The following ELF2 variants were observed in gnomAD, a reference collection of about 807,000 sequenced individuals.
ELF2 encodes the protein ETS-related transcription factor Elf-2.
A neutral mutation model predicts 54.8 loss-of-function variants in ELF2; 11 were observed. The observed-to-expected ratio is 0.20, with a 90% CI of 0.13 to 0.33. The LOEUF (loss-of-function observed/expected upper bound fraction) is 0.33, where lower values mean the gene tolerates loss of function less well. ELF2 is among the 10% of genes least tolerant of loss of function. The pLI is 1.00. For missense variants in ELF2, 513 were observed against 703.0 expected, an observed-to-expected ratio of 0.73 and a Z score of 3.06; for synonymous variants, 203 against 245.1, an observed-to-expected ratio of 0.83 and a Z score of 1.61.
At chr4:139,115,415 T>G (rs1296405960) in intron 4 of ELF2, 2 of 993,464 alleles carry the variant, frequency 2.0e-6, no homozygotes, top group African/African-American at 3.5e-5. Flanking sequence ...GGCCCCTCCC[T>G]GCGCCACCGC....
At chr4:139,107,360 C>T (rs1734517656) in intron 4 of ELF2, among the ~76,000 whole-genome samples, 1 of 152,156 alleles carries the variant, frequency 6.6e-6, no homozygotes, top group African/African-American at 2.4e-5. Context: ...ACTACCACCT[C>T]CTTGAAACAT....
intron 7 of ELF2, among the ~76,000 whole-genome samples, chr4:139,064,168 C>G (rs1463224484): frequency 3.3e-5 from 5 of 152,146 alleles, no homozygotes; most frequent in Non-Finnish European, 7.4e-5. Flanking sequence ...ATTAGCCAGG[C>G]ATGATGGCGG....
In ELF2 at chr4:139,151,041, A is replaced by AAAAGAAAAGAAAAGAAAAGAAAAGG. The variant is rs1560871239; in HGVS notation, c.-251-11545_-251-11544insCCTTTTCTTTTCTTTTCTTTTCTTT. On this transcript the variant is annotated intron_variant, in intron 1 of 9. Coordinates refer to ENST00000686138, the MANE Select transcript of ELF2 (RefSeq NM_001331036.3). The stretch of plus-strand genomic sequence containing the variant: ...TCCATCTCAAAAAAAAAAAAGAAAG[A>AAAAGAAAAGAAAAGAAAAGAAAAGG]AAGAAAGAAAGAAAGAAAGAAAGAA... Among the ~76,000 whole-genome samples, 8 of 66,552 alleles carry AAAAGAAAAGAAAAGAAAAGAAAAGG rather than the reference A, an allele frequency of 1.2e-4. 1 individual carries two copies. Among genetic ancestry groups the AAAAGAAAAGAAAAGAAAAGAAAAGG allele is most frequent in the African/African-American group, 3.2e-4 (8 of 24,824 alleles). The allele number at this position is 66,552 out of a possible 152,430, so 43.7% of individuals were successfully genotyped here.
intron 3 of ELF2, among the ~76,000 whole-genome samples, chr4:139,127,340 A>T (rs777647687): frequency 1.8e-4 from 27 of 152,196 alleles, no homozygotes; most frequent in Non-Finnish European, 3.8e-4. Context: ...CCAGAGCAGG[A>T]TGTGCCTTAC....
chr4:139,153,443 A>AAAATAAAT (rs536362017), intron 1 of ELF2, among the ~76,000 whole-genome samples: 39 of 151,730 alleles, frequency 2.6e-4, no homozygotes, highest in African/African-American at 9.0e-4. Context: ...TCAAAAAATA[A>AAAATAAAT]AAATAAATAA....
At chr4:139,059,692 CAA>C in intron 9 of ELF2, 85 bp from the exon 10 acceptor site, 1 of 1,489,856 alleles carries the variant, frequency 6.7e-7, no homozygotes, top group East Asian at 2.3e-5. Context: ...AATACAAATC[CAA>C]AATGTGTAAA....
At chr4:139,102,766 A>G (rs1195084342) in intron 4 of ELF2, among the ~76,000 whole-genome samples, 1 of 152,018 alleles carries the variant, frequency 6.6e-6, no homozygotes, top group African/African-American at 2.4e-5. Context: ...GCTTGAACCC[A>G]GGAGGCGGAG....
At chr4:139,110,753 C>T (rs1444452328) in intron 4 of ELF2, among the ~76,000 whole-genome samples, 1 of 152,166 alleles carries the variant, frequency 6.6e-6, no homozygotes, top group East Asian at 1.9e-4. Flanking sequence ...AAAATGAGAA[C>T]TTGTCACTAA....
At chr4:139,157,373 A>G (rs1740651163) in intron 1 of ELF2, among the ~76,000 whole-genome samples, 1 of 152,124 alleles carries the variant, frequency 6.6e-6, no homozygotes, top group Non-Finnish European at 1.5e-5. Context: ...AAATGAACTT[A>G]GATAACTTGT....
chr4:139,117,009 A>T (rs1049535529), intron 4 of ELF2, among the ~76,000 whole-genome samples: 3 of 152,244 alleles, frequency 2.0e-5, no homozygotes, highest in Non-Finnish European at 2.9e-5. Context: ...TTATATAAAA[A>T]TTCTCATCAT....
chr4:139,147,469 G>C (rs1739333480), intron 1 of ELF2, among the ~76,000 whole-genome samples: 1 of 152,068 alleles, frequency 6.6e-6, no homozygotes, highest in Admixed American at 6.6e-5. Flanking sequence ...ATGCAAAACA[G>C]TATGGAGATT....
chr4:139,068,447 GC>G (rs895117352), intron 6 of ELF2, among the ~76,000 whole-genome samples: 1 of 152,176 alleles, frequency 6.6e-6, no homozygotes, highest in Non-Finnish European at 1.5e-5. Context: ...AATTTGCAAA[GC>G]CCTTTGAACT....
chr4:139,064,827 C>T (rs1249146459), intron 7 of ELF2, among the ~76,000 whole-genome samples: 2 of 152,080 alleles, frequency 1.3e-5, no homozygotes, highest in Non-Finnish European at 2.9e-5. Flanking sequence ...TTGCAGTGAA[C>T]TGAGATCATG....
rs990372271 is a variant in ELF2 at position 139,057,453 on chromosome 4, TAA to T, written c.*1528_*1529del. 9.9e-5 allele frequency: 15 copies of T among 152,194 alleles called. No individual in the cohort carries two copies. Among genetic ancestry groups the T allele is most frequent in the Admixed American group, 7.2e-4 (11 of 15,282 alleles). The allele number at this position is 152,194 out of a possible 1,614,324, so 9.4% of individuals were successfully genotyped here. A position where few individuals can be genotyped will look rare whatever the true frequency, so the allele number is the denominator to read the frequency against. Reference sequence around the variant, plus strand: ...CTTTTCTTTGTAGTAGAAAGAGCATTAAGATATGGAGTGACAGACAGTAGTAA... The same window carrying T: ...CTTTTCTTTGTAGTAGAAAGAGCATTGATATGGAGTGACAGACAGTAGTAA... On this transcript the variant is annotated 3_prime_UTR_variant, in exon 10 of 10. Coordinates refer to ENST00000686138, the MANE Select transcript of ELF2 (RefSeq NM_001331036.3).
chr4:139,153,313 T>C (rs1215094352), intron 1 of ELF2, among the ~76,000 whole-genome samples: 2 of 151,968 alleles, frequency 1.3e-5, no homozygotes, highest in Non-Finnish European at 2.9e-5. Context: ...CACACGTCTG[T>C]AGTCCCAGCT....
At chr4:139,165,942 C>G (rs1741676245) in intron 1 of ELF2, among the ~76,000 whole-genome samples, 1 of 152,170 alleles carries the variant, frequency 6.6e-6, no homozygotes, top group Non-Finnish European at 1.5e-5. Context: ...TTACATGCCA[C>G]AAAAATAACT....
intron 1 of ELF2, among the ~76,000 whole-genome samples, chr4:139,156,610 A>G (rs1560877746): frequency 6.7e-6 from 1 of 149,312 alleles, no homozygotes; most frequent in Non-Finnish European, 1.5e-5. Flanking sequence ...ATATATATAT[A>G]TATTTGTTGT....
At chr4:139,140,354 T>C (rs1738585875) in intron 1 of ELF2, among the ~76,000 whole-genome samples, 1 of 152,216 alleles carries the variant, frequency 6.6e-6, no homozygotes, top group Non-Finnish European at 1.5e-5. Context: ...CACTTGATCG[T>C]AGGCCTTGTT....
chr4:139,078,241 C>G (rs770332463), intron 4 of ELF2, among the ~76,000 whole-genome samples: 3 of 151,868 alleles, frequency 2.0e-5, no homozygotes, highest in Admixed American at 6.6e-5. Flanking sequence ...GTTCTCAAGT[C>G]AAAAATAAAA....
Sources: gnomAD v4.1 joint callset for allele counts (sites outside exome capture counted in the v4.1 genomes callset) on GRCh38, gnomAD v4.1.1 for gene constraint, MANE v1.5 for transcripts, NCBI Gene and HGNC (gene_info 2026-07-23, HGNC 2026-07-21) for gene names.